The following KCTD1 variants were observed in gnomAD, a reference collection of about 807,000 sequenced individuals.
The protein encoded by KCTD1 is BTB/POZ domain-containing protein KCTD1.
A neutral mutation model predicts 66.0 loss-of-function variants in KCTD1; 24 were observed. That is an observed-to-expected ratio of 0.36 (90% CI 0.26 to 0.51). The LOEUF is 0.51. Among genes scored for constraint, KCTD1 ranks in the 20% least tolerant of loss-of-function variants. The probability of loss-of-function intolerance (pLI) is 0.95; values close to 1 mark genes in which losing one functional copy is unlikely to be tolerated. For synonymous variants in KCTD1, 511 were observed against 517.2 expected (o/e 0.99, Z 0.16); for missense variants, 943 against 1,205.2 (o/e 0.78, Z 3.22).
intron 2 of KCTD1, among the ~76,000 whole-genome samples, chr18:26,486,072 C>A (rs1479504345): frequency 2.6e-5 from 4 of 151,920 alleles, no homozygotes; most frequent in Non-Finnish European, 5.9e-5. Flanking sequence ...CGCCACTAGG[C>A]CAGCTAATTT....
intron 1 of KCTD1, among the ~76,000 whole-genome samples, chr18:26,646,132 C>T (rs1280194582): frequency 6.6e-6 from 1 of 152,124 alleles, no homozygotes; most frequent in South Asian, 2.1e-4. Context: ...TTAACACTAG[C>T]CTAATTAATA....
rs569767062 is a variant in KCTD1, at chr18:26,647,999, T to C, written c.9+9361A>G. Among the ~76,000 whole-genome samples the C allele has an allele frequency of 2.7e-3, 417 of 152,066 alleles. 4 individuals are homozygous for C. Among genetic ancestry groups the C allele is most frequent in the Non-Finnish European group, 2.1e-3 (145 of 67,970 alleles). ...CTGGGATTACAGGCGTGCACCACCA[T>C]GCCTGTATAATTTTTTTTGTATTTT... On this transcript the variant is annotated intron_variant, in intron 1 of 4. Coordinates refer to the KCTD1 transcript ENST00000580191.
At chr18:26,559,377 A>G (rs528414673) in intron 1 of KCTD1, among the ~76,000 whole-genome samples, 21 of 152,286 alleles carry the variant, frequency 1.4e-4, no homozygotes, top group African/African-American at 4.8e-4. Flanking sequence ...AAATACACAC[A>G]CCTACTATGT....
At chr18:26,599,498 G>C in intron 1 of KCTD1, 1 of 1,602,148 alleles carries the variant, frequency 6.2e-7, no homozygotes, top group Non-Finnish European at 8.5e-7. Flanking sequence ...TGGTGGATGA[G>C]CTTCAAGGTT....
intron 1 of KCTD1, among the ~76,000 whole-genome samples, chr18:26,593,345 AGAGGAGGAGGAGGAAGAG>A (rs1370037950): frequency 9.3e-5 from 3 of 32,156 alleles, no homozygotes; most frequent in Non-Finnish European, 2.5e-4. Context: ...AAGAGGAGGA[AGAGGAGGAGGAGGAAGAG>A]GAGGAGGAGG....
intron 3 of KCTD1, among the ~76,000 whole-genome samples, chr18:26,462,268 A>T (rs901855581): frequency 1.5e-4 from 23 of 152,310 alleles, no homozygotes; most frequent in Admixed American, 7.2e-4. Flanking sequence ...CCACTCTGGG[A>T]TCCTGCTAGG....
At chr18:26,615,678 T>C (rs561834845) in intron 1 of KCTD1, among the ~76,000 whole-genome samples, 2 of 152,196 alleles carry the variant, frequency 1.3e-5, no homozygotes, top group Admixed American at 6.5e-5. Context: ...TGATCACTTA[T>C]CTACCTATTT....
At chr18:26,522,015 G>T (rs1983937011) in intron 1 of KCTD1, among the ~76,000 whole-genome samples, 1 of 152,208 alleles carries the variant, frequency 6.6e-6, no homozygotes, top group African/African-American at 2.4e-5. Flanking sequence ...GGAAAAAGAA[G>T]CAAGCACAAA....
At chr18:26,549,414 G>A (rs2144848851), upstream of KCTD1, 1 of 985,670 alleles carries the variant, frequency 1.0e-6, no homozygotes, top group Non-Finnish European at 1.2e-6. Flanking sequence ...CGTAGGTCTG[G>A]GGCAAGTCCG....
intron 2 of KCTD1, among the ~76,000 whole-genome samples, chr18:26,499,065 T>C (rs919753288): frequency 6.6e-6 from 1 of 152,180 alleles, no homozygotes; most frequent in African/African-American, 2.4e-5. Context: ...AGAAAACCTA[T>C]TGCTTAAGTC....
intron 1 of KCTD1, among the ~76,000 whole-genome samples, chr18:26,526,134 G>GA (rs531375053): frequency 3.3e-5 from 5 of 149,320 alleles, no homozygotes; most frequent in African/African-American, 1.2e-4. Context: ...CTTCTGGGTT[G>GA]AAAAAAAAAA....
At chr18:26,519,517 C>T (rs1983813829) in intron 1 of KCTD1, among the ~76,000 whole-genome samples, 1 of 152,212 alleles carries the variant, frequency 6.6e-6, no homozygotes, top group South Asian at 2.1e-4. Flanking sequence ...AATAACGACA[C>T]TTAACGTTCT....
chr18:26,484,320 G>A (rs1981803907), intron 2 of KCTD1, among the ~76,000 whole-genome samples: 1 of 152,168 alleles, frequency 6.6e-6, no homozygotes, highest in Non-Finnish European at 1.5e-5. Context: ...TACTTATGAG[G>A]AGATAATGTT....
chr18:26,634,535 G>A (rs1987682853), intron 1 of KCTD1, among the ~76,000 whole-genome samples: 1 of 152,044 alleles, frequency 6.6e-6, no homozygotes, highest in African/African-American at 2.4e-5. Context: ...GAGTAAGAAA[G>A]GGGCATTGAG....
At chr18:26,644,509 G>C (rs921853209), upstream of KCTD1, among the ~76,000 whole-genome samples, 1 of 151,794 alleles carries the variant, frequency 6.6e-6, no homozygotes, top group South Asian at 2.1e-4. Flanking sequence ...CCTTCATCCT[G>C]GCATTTCAGG....
chr18:26,517,502 C>T (rs543975361), intron 1 of KCTD1, among the ~76,000 whole-genome samples: 10 of 151,968 alleles, frequency 6.6e-5, no homozygotes, highest in East Asian at 1.9e-4. Flanking sequence ...CTAAAAAATA[C>T]AAAAATTAGC....
At chr18:26,469,904 G>A (rs1160288678) in intron 3 of KCTD1, among the ~76,000 whole-genome samples, 1 of 151,548 alleles carries the variant, frequency 6.6e-6, no homozygotes, top group Non-Finnish European at 1.5e-5. Context: ...AGCCAAGATC[G>A]TGCCACTGCC....
intron 1 of KCTD1, among the ~76,000 whole-genome samples, chr18:26,528,602 C>T (rs1984282632): frequency 6.6e-6 from 1 of 152,150 alleles, no homozygotes; most frequent in South Asian, 2.1e-4. Context: ...AAACTGGAGC[C>T]ATGTTTCTGT....
chr18:26,565,413 TTCTG>T (rs1211955009), intron 1 of KCTD1, among the ~76,000 whole-genome samples: 1 of 152,196 alleles, frequency 6.6e-6, no homozygotes, highest in Non-Finnish European at 1.5e-5. Flanking sequence ...AGGATTTAAA[TTCTG>T]TCTTTGAAAA....
Sources: gnomAD v4.1 joint callset for allele counts (sites outside exome capture counted in the v4.1 genomes callset) on GRCh38, gnomAD v4.1.1 for gene constraint, MANE v1.5 for transcripts, NCBI Gene and HGNC (gene_info 2026-07-23, HGNC 2026-07-21) for gene names.